The following SLA2 variants were observed in gnomAD, a reference collection of about 807,000 sequenced individuals.
SLA2 encodes the protein Src like adaptor 2.
A neutral mutation model predicts 27.3 loss-of-function variants in SLA2; 22 were observed. The ratio of observed to expected loss-of-function variants is 0.81; its 90% CI spans 0.58 to 1.15. The LOEUF is 1.15. Among genes scored for constraint, SLA2 ranks in the 50% most tolerant of loss-of-function variants. The pLI, the probability that SLA2 is intolerant of heterozygous loss-of-function variation, is 0.00. For missense variants in SLA2, 304 were observed against 322.2 expected (o/e 0.94, Z 0.43); for synonymous variants, 131 against 137.8 (o/e 0.95, Z 0.34).
At chr20:36,615,660 G>A (rs574613803) in intron 5 of SLA2, among the ~76,000 whole-genome samples, 3 of 152,282 alleles carry the variant, frequency 2.0e-5, no homozygotes, top group Admixed American at 2.0e-4. Flanking sequence ...GACTCAGGTG[G>A]CAGATATGTT....
chr20:36,622,368 CAAA>C (rs963203328), intron 5 of SLA2, among the ~76,000 whole-genome samples: 1 of 133,352 alleles, frequency 7.5e-6, no homozygotes, highest in Non-Finnish European at 1.6e-5. Context: ...AAAAAAAAAA[CAAA>C]AAACTGAAAA....
chr20:36,616,986 G>T (rs908542025), intron 5 of SLA2, among the ~76,000 whole-genome samples: 2 of 151,988 alleles, frequency 1.3e-5, no homozygotes, highest in Non-Finnish European at 2.9e-5. Context: ...GGAGGCAGAG[G>T]TTGCAGTGAG....
chr20:36,628,312 A>G (rs2039359785), intron 5 of SLA2, among the ~76,000 whole-genome samples: 1 of 152,192 alleles, frequency 6.6e-6, no homozygotes, highest in African/African-American at 2.4e-5. Context: ...GACACACCTT[A>G]TACAAAATCT....
rs1286882603 is a variant in SLA2 at position 36,632,502 on chromosome 20, A to G, written c.382+93T>C. On this transcript the variant is annotated intron_variant, in intron 5 of 7. Transcript: ENST00000262866. ...TTGACTGAGAAGTCAGGCAAAGCCTATTTTCTGGGCCGCACCTGCAGCCAT... is the reference window on the plus strand; with the variant it reads ...TTGACTGAGAAGTCAGGCAAAGCCTGTTTTCTGGGCCGCACCTGCAGCCAT... 4 of 979,406 alleles carry G rather than the reference A, an allele frequency of 4.1e-6. No homozygotes were observed. In the African/African-American group the frequency reaches 4.8e-5, roughly 12 times the overall value. 60.7% of individuals were successfully genotyped at this position (979,406 alleles called of 1,614,324 possible).
chr20:36,641,109 A>G, intron 2 of SLA2, 136 bp downstream of exon 2: 1 of 691,742 alleles, frequency 1.4e-6, no homozygotes, highest in South Asian at 1.7e-5. Flanking sequence ...ATGGCTCAGT[A>G]GGCAGGGCCT....
chr20:36,632,052 A>G (rs923090103), intron 5 of SLA2, among the ~76,000 whole-genome samples: 11 of 152,274 alleles, frequency 7.2e-5, no homozygotes, highest in African/African-American at 2.6e-4. Context: ...GGCCCACAGA[A>G]CACACTCAGA....
chr20:36,616,691 G>C (rs1298213417), intron 5 of SLA2, among the ~76,000 whole-genome samples: 1 of 152,128 alleles, frequency 6.6e-6, no homozygotes. Context: ...GGCGTGCAGT[G>C]GCATGATCAC....
chr20:36,617,521 G>A (rs1281795798), intron 5 of SLA2, among the ~76,000 whole-genome samples: 3 of 134,160 alleles, frequency 2.2e-5, no homozygotes, highest in Non-Finnish European at 3.1e-5. Context: ...ATGACAGAGT[G>A]AGACCCTGTC....
intron 5 of SLA2, chr20:36,620,494 A>G (rs1214665559): frequency 2.3e-5 from 5 of 218,570 alleles, no homozygotes. Flanking sequence ...GCAGAGTCGA[A>G]AAAAGGATTT....
Position 36,632,656 on chromosome 20 carries a change from C to A in SLA2, c.321G>T (p.Leu107=), listed in dbSNP as rs916265946. 4 of 1,614,114 alleles carry A rather than the reference C, an allele frequency of 2.5e-6. No homozygotes were observed. The highest frequency in any genetic ancestry group is 3.4e-6 in the Non-Finnish European group (4 of 1,180,050). ...EGLSREKAEE[L]LLLPGNPGGA... ...CTCCAGGGTTCCCAGGTAACAACAG[C>A]AGTTCCTCTGCTTTCTCCCTGCTCA... The change falls in exon 5 of 8, where the codon CTG becomes CTT. Residue 107 remains leucine, a synonymous_variant. Transcript: ENST00000262866.
At chr20:36,644,868 GT>G (rs3066378) in intron 1 of SLA2, among the ~76,000 whole-genome samples, 25,352 of 80,574 alleles carry the variant, frequency 0.31, 2,915 homozygotes, top group Admixed American at 0.41. Context: ...AGAATATTGT[GT>G]TTTTTTTTTT....
intron 4 of SLA2, 130 bp downstream of exon 4, chr20:36,633,413 G>C (rs968248496): frequency 8.0e-6 from 6 of 752,846 alleles, no homozygotes; most frequent in Non-Finnish European, 1.2e-5. Flanking sequence ...TGCCCCTCTT[G>C]AGGGCAGGAC....
At chr20:36,636,623 A>AAAAAAATAT (rs1387991352) in intron 2 of SLA2, among the ~76,000 whole-genome samples, 3 of 114,712 alleles carry the variant, frequency 2.6e-5, no homozygotes, top group South Asian at 2.8e-4. Flanking sequence ...AAAAAAAAAA[A>AAAAAAATAT]ATATATATAT....
rs751896089 is a variant in SLA2, at chr20:36,632,603, G to A, written c.374C>T (p.Thr125Ile). The stretch of plus-strand genomic sequence containing the variant: ...GCACCGAGCTTACTCACCTCTCCTG[G>A]TCTGGCTCTCCCGGATGAGGAAGGC... ...GGAFLIRESQ[T>I]RRGSYSLSVR... Residue 125 changes from threonine to isoleucine, a missense_variant, in exon 5 of 8, where the codon ACC becomes ATC. Coordinates refer to ENST00000262866, the MANE Select transcript of SLA2 (RefSeq NM_032214.4). 2.6e-5 allele frequency: 42 copies of A among 1,613,704 alleles called. No individual in the cohort carries two copies. In the East Asian group the frequency reaches 3.6e-4, roughly 14 times the overall value.
Position 36,618,532 on chromosome 20 carries a change from G to C in SLA2, c.383-3158C>G, listed in dbSNP as rs79749801. Among the ~76,000 whole-genome samples the C allele has an allele frequency of 3.0e-3, 450 of 151,832 alleles. 4 individuals are homozygous for C. Among genetic ancestry groups the C allele is most frequent in the African/African-American group, 0.01 (431 of 41,412 alleles). ...TTTACAGCTGTGAGCCACTGTGCCC[G>C]GCCAACAAATTTAAAAGGATTGAAA... On this transcript the variant is annotated intron_variant, in intron 5 of 7. Coordinates refer to ENST00000262866, the MANE Select transcript of SLA2 (RefSeq NM_032214.4).
chr20:36,629,811 G>A (rs936251373), intron 5 of SLA2, among the ~76,000 whole-genome samples: 2 of 151,944 alleles, frequency 1.3e-5, no homozygotes, highest in East Asian at 1.9e-4. Context: ...GGTAGCACTC[G>A]CCTGTAATCC....
chr20:36,634,368 T>A, intron 3 of SLA2, 122 bp downstream of exon 3: 1 of 677,906 alleles, frequency 1.5e-6, no homozygotes, highest in Non-Finnish European at 2.5e-6. Flanking sequence ...ATTGCAGCCT[T>A]GAGCTCCCGA....
intron 2 of SLA2, among the ~76,000 whole-genome samples, chr20:36,640,478 TA>T (rs2039495297): frequency 6.6e-6 from 1 of 151,800 alleles, no homozygotes; most frequent in Non-Finnish European, 1.5e-5. Context: ...ATTGAGCACT[TA>T]AAATGTGGCT....
At chr20:36,627,861 C>G (rs2039355447) in intron 5 of SLA2, among the ~76,000 whole-genome samples, 1 of 152,196 alleles carries the variant, frequency 6.6e-6, no homozygotes, top group South Asian at 2.1e-4. Context: ...CTCAGGGCCC[C>G]AGGCCTTCCT....
Sources: allele counts gnomAD v4.1 joint callset (sites outside exome capture counted in the v4.1 genomes callset), GRCh38; gene constraint gnomAD v4.1.1; transcripts MANE v1.5; gene names NCBI Gene and HGNC (gene_info 2026-07-23, HGNC 2026-07-21).